The following ABCA13 variants were observed in gnomAD, a reference collection of about 807,000 sequenced individuals.
ABCA13 encodes ATP-binding cassette sub-family A member 13.
In ABCA13, 476 loss-of-function variants were observed where a neutral mutation model predicts 478.7. The observed-to-expected ratio is 0.99, with a 90% CI of 0.92 to 1.07. The LOEUF is 1.07. ABCA13 is among the 50% of genes least tolerant of loss of function. The pLI is 0.00. For missense variants in ABCA13, 6,060 were observed against 5,910.6 expected (o/e 1.03, Z -0.83); for synonymous variants, 2,252 against 2,158.9 (o/e 1.04, Z -1.20).
chr7:48,401,348 G>A (rs1215258861), intron 38 of ABCA13, among the ~76,000 whole-genome samples: 1 of 152,132 alleles, frequency 6.6e-6, no homozygotes, highest in African/African-American at 2.4e-5. Flanking sequence ...ATGAATGAAT[G>A]ATATTCTTCA....
chr7:48,384,135 AG>A (rs1814808928), intron 35 of ABCA13, among the ~76,000 whole-genome samples: 1 of 152,212 alleles, frequency 6.6e-6, no homozygotes, highest in Non-Finnish European at 1.5e-5. Flanking sequence ...ATCCTTGCTA[AG>A]GGTGGTGCCC....
At chr7:48,594,947 T>C (rs527656620) in intron 58 of ABCA13, 134 bp downstream of exon 58, 2 of 738,898 alleles carry the variant, frequency 2.7e-6, no homozygotes, top group South Asian at 2.1e-5. Flanking sequence ...GGTGATATTA[T>C]TGTTAGCCCT....
chr7:48,632,287 T>C (rs1794234006), intron 59 of ABCA13, among the ~76,000 whole-genome samples: 1 of 152,184 alleles, frequency 6.6e-6, no homozygotes, highest in African/African-American at 2.4e-5. Flanking sequence ...GTCTTTATTA[T>C]TGAGTTGAGA....
At chr7:48,185,760 A>G (rs983451584) in intron 1 of ABCA13, among the ~76,000 whole-genome samples, 8 of 152,112 alleles carry the variant, frequency 5.3e-5, no homozygotes, top group African/African-American at 1.9e-4. Context: ...GTAGAAAGTT[A>G]TTGAGGTAGG....
At chr7:48,583,371 T>C (rs1788880984) in intron 56 of ABCA13, among the ~76,000 whole-genome samples, 1 of 152,220 alleles carries the variant, frequency 6.6e-6, no homozygotes, top group Non-Finnish European at 1.5e-5. Flanking sequence ...CTTTCCCTAC[T>C]TTACGACTCA....
chr7:48,283,353 T>C (rs866080993), intron 19 of ABCA13, among the ~76,000 whole-genome samples: 5 of 152,182 alleles, frequency 3.3e-5, no homozygotes, highest in Non-Finnish European at 4.4e-5. Context: ...AATTTTTCTT[T>C]GTATTGATAA....
Position 48,279,602 on chromosome 7 carries a change from T to G in ABCA13, c.8408T>G (p.Leu2803Trp). ...LNKSLYFDTP[L>W]SQNITHHQLE... ...AAAAGTTTATATTTTGACACACCTT[T>G]GAGTCAGAATATAACTCATCATCAA... Residue 2803 changes from leucine to tryptophan, a missense_variant, in exon 18 of 62, where the codon TTG becomes TGG. Physicochemically the swap from Leu to Trp is moderately conservative, Grantham distance 61 (BLOSUM62 -2). Transcript: ENST00000435803. The G allele has an allele frequency of 6.2e-7, 1 of 1,613,148 alleles. No individual in the cohort carries two copies. The highest frequency in any genetic ancestry group is 8.5e-7 in the Non-Finnish European group (1 of 1,179,510).
chr7:48,341,199 A>C (rs17661752), intron 29 of ABCA13, among the ~76,000 whole-genome samples: 1 of 151,934 alleles, frequency 6.6e-6, no homozygotes, highest in Non-Finnish European at 1.5e-5. Flanking sequence ...CTCTCTTGCT[A>C]CTACATGAAA....
intron 38 of ABCA13, among the ~76,000 whole-genome samples, chr7:48,396,686 A>G (rs984495308): frequency 2.0e-5 from 3 of 152,200 alleles, no homozygotes; most frequent in African/African-American, 7.2e-5. Context: ...GGATTCCATG[A>G]GTCTGAGAAG....
chr7:48,222,195 G>T (rs182211819), intron 5 of ABCA13, among the ~76,000 whole-genome samples: 1 of 152,282 alleles, frequency 6.6e-6, no homozygotes, highest in African/African-American at 2.4e-5. Context: ...TCTTAACTTG[G>T]AGATTTCTGA....
At chr7:48,519,625 A>G (rs1416707229) in intron 52 of ABCA13, among the ~76,000 whole-genome samples, 1 of 152,214 alleles carries the variant, frequency 6.6e-6, no homozygotes, top group African/African-American at 2.4e-5. Context: ...ATTTCTTTGT[A>G]TAATTATCAT....
At chr7:48,344,393 C>T (rs773646615) in intron 29 of ABCA13, among the ~76,000 whole-genome samples, 5 of 152,284 alleles carry the variant, frequency 3.3e-5, no homozygotes, top group African/African-American at 7.2e-5. Flanking sequence ...GGAGGAGACA[C>T]GTTGGAATGT....
rs1490681158 is a variant in ABCA13 at position 48,269,010 on chromosome 7, A to C, written c.2036A>C (p.Glu679Ala). 5.0e-6 allele frequency: 8 copies of C among 1,596,510 alleles called. No homozygotes were observed. In the African/African-American group the frequency reaches 1.1e-4, roughly 21 times the overall value. Residue 679 changes from glutamate to alanine, a missense_variant, in exon 16 of 62, where the codon GAA (glutamate) becomes GCA (alanine). Around this residue, in one of 3 missense-constraint regions of ABCA13, gnomAD observed 4,423 missense variants for 4,309.1 expected, o/e 1.03. Coordinates refer to ENST00000435803, the MANE Select transcript of ABCA13 (RefSeq NM_152701.5). ...CCTGAGGAATCTCCTTGTTTTGAAGAAAACATGGATTGGAAAATGATCAGT... is the reference window on the plus strand; with the variant it reads ...CCTGAGGAATCTCCTTGTTTTGAAGCAAACATGGATTGGAAAATGATCAGT... ...AFPEESPCFE[E>A]NMDWKMISDN...
At chr7:48,629,549 T>A (rs1277629308) in intron 59 of ABCA13, among the ~76,000 whole-genome samples, 2 of 117,378 alleles carry the variant, frequency 1.7e-5, no homozygotes, top group East Asian at 4.7e-4. Context: ...ACAAAAAAAA[T>A]TCCTAAAGCA....
chr7:48,373,822 A>G (rs1041325136), intron 33 of ABCA13, among the ~76,000 whole-genome samples: 1 of 152,220 alleles, frequency 6.6e-6, no homozygotes, highest in East Asian at 1.9e-4. Flanking sequence ...CAAGTAAAAA[A>G]TATCTAACTC....
intron 30 of ABCA13, among the ~76,000 whole-genome samples, chr7:48,351,193 T>C (rs1045762008): frequency 6.6e-6 from 1 of 152,244 alleles, no homozygotes; most frequent in Admixed American, 6.5e-5. Context: ...ACCTTTCCTT[T>C]TATCAGAGTA....
intron 52 of ABCA13, among the ~76,000 whole-genome samples, chr7:48,517,121 A>G (rs1004811090): frequency 6.6e-6 from 1 of 152,200 alleles, no homozygotes; most frequent in Non-Finnish European, 1.5e-5. Context: ...CGGCCACTCC[A>G]TTCTTGAGGG....
rs923015904 is a variant in ABCA13 at position 48,592,266 on chromosome 7, T to C, written c.14641-2444T>C. 3.9e-5 allele frequency among the ~76,000 whole-genome samples: 6 copies of C among 152,076 alleles called. No individual in the cohort carries two copies. In the East Asian group the frequency reaches 9.6e-4, roughly 24 times the overall value. ...TTACTTCATCCCATAAGTTTTGTTT[T>C]GTTTCCATTTTCATTTGTCTCAAGA... is the stretch of plus-strand genomic sequence containing the variant. On this transcript the variant is annotated intron_variant, in intron 57 of 61. Coordinates refer to ENST00000435803, the MANE Select transcript of ABCA13 (RefSeq NM_152701.5).
rs554523492 is a variant in ABCA13, at chr7:48,335,311, T to C, written c.10000-111T>C. The C allele has an allele frequency of 6.0e-5, 40 of 667,450 alleles. No homozygotes were observed. In the African/African-American group the frequency reaches 6.3e-4, roughly 11 times the overall value. The allele number at this position is 667,450 out of a possible 1,614,324, so 41.3% of individuals were successfully genotyped here. A position where few individuals can be genotyped will look rare whatever the true frequency, so the allele number is the denominator to read the frequency against. Reference sequence around the variant, plus strand: ...TTATTGAGGAAGGCATTAGCTGGCCTGCAGGCAGATCTTTGCTCTGGTGGC... The same window carrying C: ...TTATTGAGGAAGGCATTAGCTGGCCCGCAGGCAGATCTTTGCTCTGGTGGC... On this transcript the variant is annotated intron_variant, in intron 27 of 61. Coordinates refer to ENST00000435803, the MANE Select transcript of ABCA13 (RefSeq NM_152701.5).
Sources: allele counts gnomAD v4.1 joint callset (sites outside exome capture counted in the v4.1 genomes callset), GRCh38; gene constraint gnomAD v4.1.1; regional missense constraint gnomAD v4.1.1; transcripts MANE v1.5; gene names NCBI Gene and HGNC (gene_info 2026-07-23, HGNC 2026-07-21).